MAF: variants seen among roughly 807,000 people sequenced by gnomAD.
MAF encodes transcription factor Maf.
Under a neutral mutation model 22.0 loss-of-function variants are expected in MAF, and 10 were observed. The observed-to-expected ratio is 0.45, with a 90% CI of 0.28 to 0.77. The LOEUF (loss-of-function observed/expected upper bound fraction) is 0.77, where lower values mean the gene tolerates loss of function less well. MAF is among the 30% of genes least tolerant of loss of function. The pLI is 0.12. For missense variants in MAF, 544 were observed against 548.4 expected (o/e 0.99, Z 0.08); for synonymous variants, 337 against 255.8 (o/e 1.32, Z -3.03).
At chr16:79,280,395 T>G in the MAF span, among the ~76,000 whole-genome samples, 2 of 152,192 alleles carry the variant, frequency 1.3e-5, no homozygotes, top group East Asian at 3.9e-4. Flanking sequence ...ATAACCTCTA[T>G]CCTCCTATTT....
the MAF span, among the ~76,000 whole-genome samples, chr16:79,426,080 C>A: frequency 6.6e-6 from 1 of 152,104 alleles, no homozygotes; most frequent in Admixed American, 6.6e-5. Context: ...GTGGCACATG[C>A]CTGTAGTCCC....
the MAF span, among the ~76,000 whole-genome samples, chr16:79,375,661 C>T: frequency 6.6e-6 from 1 of 152,066 alleles, no homozygotes; most frequent in East Asian, 1.9e-4. Context: ...AGGCACTTCC[C>T]TGGGCATTTG....
the MAF span, among the ~76,000 whole-genome samples, chr16:79,511,418 C>T: frequency 6.6e-6 from 1 of 152,138 alleles, no homozygotes; most frequent in South Asian, 2.1e-4. Context: ...AATAGAAATA[C>T]TAACAAATTC....
chr16:79,357,166 G>C, the MAF span, among the ~76,000 whole-genome samples: 2 of 152,160 alleles, frequency 1.3e-5, no homozygotes, highest in African/African-American at 4.8e-5. Flanking sequence ...TGAGGCAGGA[G>C]AATTGCTTGA....
At chr16:79,384,925 G>C in the MAF span, among the ~76,000 whole-genome samples, 1 of 152,120 alleles carries the variant, frequency 6.6e-6, no homozygotes, top group Admixed American at 6.5e-5. Flanking sequence ...TTATGCACCA[G>C]GACAGAGGAA....
the MAF span, among the ~76,000 whole-genome samples, chr16:79,253,684 T>C: frequency 1.3e-5 from 2 of 152,224 alleles, no homozygotes; most frequent in African/African-American, 4.8e-5. Context: ...CTTGCATCTC[T>C]TTGTCCTTGA....
At chr16:79,330,521 C>A in the MAF span, among the ~76,000 whole-genome samples, 6 of 152,268 alleles carry the variant, frequency 3.9e-5, no homozygotes, top group South Asian at 2.1e-4. Context: ...AAGTTAAATC[C>A]AAAGGGCTTA....
the MAF span, among the ~76,000 whole-genome samples, chr16:79,208,443 T>G: frequency 6.6e-6 from 1 of 152,180 alleles, no homozygotes; most frequent in Admixed American, 6.5e-5. Flanking sequence ...GTCAAGGTAT[T>G]ATTATTTATC....
chr16:79,575,019 G>T, the MAF span, among the ~76,000 whole-genome samples: 1 of 131,154 alleles, frequency 7.6e-6, no homozygotes. Flanking sequence ...AGAATCACTG[G>T]GAATTTTTTT....
chr16:79,216,334 GCA>G, the MAF span, among the ~76,000 whole-genome samples: 2 of 152,278 alleles, frequency 1.3e-5, no homozygotes, highest in South Asian at 4.1e-4. Context: ...ATGTGCATAT[GCA>G]CATATATGTA....
chr16:79,536,845 T>C, the MAF span, among the ~76,000 whole-genome samples: 2 of 152,192 alleles, frequency 1.3e-5, no homozygotes. Context: ...GTGTAAGTTA[T>C]ATGCAAATCC....
the MAF span, chr16:79,212,386 G>T: frequency 2.1e-6 from 1 of 479,422 alleles, no homozygotes. Context: ...GAACTACCAG[G>T]TGGCAAAGTA....
At chr16:79,333,943 G>A in the MAF span, among the ~76,000 whole-genome samples, 9 of 152,222 alleles carry the variant, frequency 5.9e-5, no homozygotes, top group Non-Finnish European at 1.3e-4. Context: ...ACCTGGATCT[G>A]GTGATATAAC....
chr16:79,301,243 G>A, the MAF span, among the ~76,000 whole-genome samples: 34 of 152,236 alleles, frequency 2.2e-4, no homozygotes, highest in Admixed American at 7.8e-4. Flanking sequence ...CGGGACAGGG[G>A]GAAGCGTTTG....
chr16:79,296,045 T>G, the MAF span, among the ~76,000 whole-genome samples: 5 of 152,218 alleles, frequency 3.3e-5, no homozygotes, highest in African/African-American at 1.2e-4. Flanking sequence ...GTCCTCCATG[T>G]GGGCTGATGG....
the MAF span, among the ~76,000 whole-genome samples, chr16:79,377,145 G>A: frequency 2.0e-5 from 3 of 152,320 alleles, no homozygotes; most frequent in South Asian, 2.1e-4. Context: ...CACCAACGGT[G>A]TAAAAGTGTT....
the MAF span, among the ~76,000 whole-genome samples, chr16:79,367,764 G>C: frequency 6.6e-6 from 1 of 152,166 alleles, no homozygotes; most frequent in East Asian, 1.9e-4. Flanking sequence ...CTACCATCTT[G>C]GACAGCACAG....
the MAF span, among the ~76,000 whole-genome samples, chr16:79,412,141 G>A: frequency 1.1e-4 from 17 of 152,294 alleles, no homozygotes; most frequent in African/African-American, 3.6e-4. Flanking sequence ...AAGATTCACA[G>A]GCCTGTGACT....
chr16:79,496,627 A>C, the MAF span, among the ~76,000 whole-genome samples: 1 of 152,218 alleles, frequency 6.6e-6, no homozygotes, highest in Non-Finnish European at 1.5e-5. Flanking sequence ...TTCCATATGG[A>C]TATAGTTTTC....
Sources: gnomAD v4.1 joint callset for allele counts (sites outside exome capture counted in the v4.1 genomes callset) on GRCh38, gnomAD v4.1.1 for gene constraint, MANE v1.5 for transcripts, NCBI Gene and HGNC (gene_info 2026-07-23, HGNC 2026-07-21) for gene names.